The following MEMO1 variants were observed in gnomAD, a reference collection of about 807,000 sequenced individuals.
MEMO1 encodes the protein mediator of cell motility 1.
A neutral mutation model predicts 45.2 loss-of-function variants in MEMO1; 6 were observed. The ratio of observed to expected loss-of-function variants is 0.13; its 90% CI spans 0.07 to 0.26. The LOEUF (loss-of-function observed/expected upper bound fraction) is 0.26, where lower values mean the gene tolerates loss of function less well. MEMO1 is among the 10% of genes least tolerant of loss of function. MEMO1 has a pLI of 1.00. For missense variants in MEMO1, 184 were observed against 370.5 expected (o/e 0.50, Z 4.13); for synonymous variants, 78 against 124.3 (o/e 0.63, Z 2.48).
chr2:31,943,523 G>A, intron 2 of MEMO1, 140 bp from the exon 3 acceptor site: 1 of 678,406 alleles, frequency 1.5e-6, no homozygotes, highest in Non-Finnish European at 2.6e-6. Flanking sequence ...GGATGTTAAT[G>A]TTTGAATTTA....
chr2:31,986,133 G>A (rs552218295), intron 2 of MEMO1, among the ~76,000 whole-genome samples: 35 of 152,092 alleles, frequency 2.3e-4, no homozygotes, highest in Middle Eastern at 3.4e-3. Context: ...GGTGGCTCAC[G>A]TCTGTAATCC....
chr2:31,985,543 C>T (rs1234842114), intron 2 of MEMO1, among the ~76,000 whole-genome samples: 3 of 152,130 alleles, frequency 2.0e-5, no homozygotes, highest in East Asian at 1.9e-4. Context: ...CCAAGTTGGT[C>T]GTGAACTCCT....
chr2:31,935,494 G>C (rs1417331087), intron 3 of MEMO1, among the ~76,000 whole-genome samples: 1 of 152,036 alleles, frequency 6.6e-6, no homozygotes, highest in Non-Finnish European at 1.5e-5. Context: ...GTTACAGGGA[G>C]AGAAGGAGAG....
In MEMO1 at chr2:31,987,821, T is replaced by TA. The variant is rs560108022; in HGVS notation, c.61+22365dup. ...ATATTAAAACCACCTTAGTGTATGG[T>TA]AAAAAAAGCAGATAGGGTCCCAGCT... On this transcript the variant is annotated intron_variant, in intron 2 of 9. Coordinates refer to ENST00000404530, the MANE Select transcript of MEMO1 (RefSeq NM_001301833.4). Among the ~76,000 whole-genome samples the TA allele has an allele frequency of 6.2e-4, 94 of 152,214 alleles. 1 individual carries two copies. The highest frequency in any genetic ancestry group is 1.7e-3 in the East Asian group (9 of 5,170).
intron 7 of MEMO1, among the ~76,000 whole-genome samples, chr2:31,890,437 T>C (rs1239330409): frequency 6.6e-6 from 1 of 152,080 alleles, no homozygotes. Context: ...GTTTTCAAGG[T>C]CACTTATTAC....
chr2:31,868,847 T>TAGGG (rs1673248646), intron 9 of MEMO1, among the ~76,000 whole-genome samples: 1 of 152,198 alleles, frequency 6.6e-6, no homozygotes, highest in African/African-American at 2.4e-5. Context: ...GTCGGAGTCT[T>TAGGG]TATCTGACTT....
chr2:31,872,337 T>C (rs901603961), intron 8 of MEMO1, among the ~76,000 whole-genome samples: 18 of 152,170 alleles, frequency 1.2e-4, no homozygotes, highest in African/African-American at 4.1e-4. Context: ...TAGCTACAAC[T>C]TGCATACATG....
chr2:31,892,233 G>T, intron 6 of MEMO1, 99 bp from the exon 7 acceptor site: 1 of 1,013,078 alleles, frequency 9.9e-7, no homozygotes, highest in Non-Finnish European at 1.5e-6. Context: ...TATTAATAGT[G>T]GTAAGGATAA....
chr2:31,903,706 C>T lies in MEMO1; in HGVS notation c.438-11572G>A, dbSNP rs571439542. ...GAGGAAACTGAGAAACATAAAGTTA[C>T]ATTTGCTCTAAAAACCTCAGTAAAT... is the stretch of plus-strand genomic sequence containing the variant. On this transcript the variant is annotated intron_variant, in intron 6 of 9. Coordinates refer to ENST00000404530, the MANE Select transcript of MEMO1 (RefSeq NM_001301833.4). Among the ~76,000 whole-genome samples, 6 of 152,248 alleles carry T rather than the reference C, an allele frequency of 3.9e-5. No homozygotes were observed. In the East Asian group the frequency reaches 1.2e-3, roughly 29 times the overall value.
chr2:31,914,100 T>C (rs939902405), intron 6 of MEMO1, among the ~76,000 whole-genome samples: 3 of 152,118 alleles, frequency 2.0e-5, no homozygotes, highest in Admixed American at 6.5e-5. Flanking sequence ...AGATGAAAAC[T>C]GATGTGCCTC....
rs1433082657 is a variant in MEMO1, at chr2:31,891,878, T to C, written c.580+114A>G. The stretch of plus-strand genomic sequence containing the variant: ...CACTTTTAAACACTGCTGCCAGAAG[T>C]AAAACTTTCCAAGGAAAGTGATAAA... On this transcript the variant is annotated intron_variant, in intron 7 of 9. Transcript: ENST00000404530. The C allele has an allele frequency of 2.3e-5, 26 of 1,132,712 alleles. 1 individual carries two copies. In the South Asian group the frequency reaches 3.9e-4, roughly 17 times the overall value. The allele number at this position is 1,132,712 out of a possible 1,614,324, so 70.2% of individuals were successfully genotyped here. A position where few individuals can be genotyped will look rare whatever the true frequency, so the allele number is the denominator to read the frequency against.
chr2:31,914,455 A>G (rs1324471128), intron 6 of MEMO1, among the ~76,000 whole-genome samples: 1 of 152,174 alleles, frequency 6.6e-6, no homozygotes, highest in East Asian at 1.9e-4. Flanking sequence ...TATAGTCAAT[A>G]ACTCAATTGT....
chr2:31,929,125 T>C (rs1242009890), intron 4 of MEMO1, among the ~76,000 whole-genome samples: 1 of 152,200 alleles, frequency 6.6e-6, no homozygotes, highest in Non-Finnish European at 1.5e-5. Context: ...CATAGCTGTA[T>C]TGTTCTTCAA....
At chr2:31,911,367 G>A (rs940882183) in intron 6 of MEMO1, among the ~76,000 whole-genome samples, 1 of 152,146 alleles carries the variant, frequency 6.6e-6, no homozygotes, top group Non-Finnish European at 1.5e-5. Flanking sequence ...AGGCACTCAG[G>A]GAGAGGGGAG....
chr2:31,879,061 GT>G (rs1365485049), intron 8 of MEMO1, among the ~76,000 whole-genome samples: 1 of 152,120 alleles, frequency 6.6e-6, no homozygotes. Flanking sequence ...CTGTGACTGT[GT>G]TTCCCTGGAT....
At chr2:31,883,737 T>C (rs1375110754) in intron 7 of MEMO1, among the ~76,000 whole-genome samples, 1 of 152,064 alleles carries the variant, frequency 6.6e-6, no homozygotes, top group Non-Finnish European at 1.5e-5. Context: ...GGAAACAAAA[T>C]AGCTTAAAAG....
At chr2:31,976,991 T>A (rs1378506059) in intron 2 of MEMO1, among the ~76,000 whole-genome samples, 1 of 152,082 alleles carries the variant, frequency 6.6e-6, no homozygotes, top group Non-Finnish European at 1.5e-5. Flanking sequence ...CCTATCTAGT[T>A]GGGTAAACAA....
At chr2:31,938,877 C>G (rs950750221) in intron 3 of MEMO1, among the ~76,000 whole-genome samples, 2 of 150,574 alleles carry the variant, frequency 1.3e-5, no homozygotes, top group East Asian at 4.0e-4. Context: ...GCCCCAACCT[C>G]CCGGGCTCAA....
At chr2:31,927,513 C>T (rs1683283055) in intron 4 of MEMO1, among the ~76,000 whole-genome samples, 1 of 151,520 alleles carries the variant, frequency 6.6e-6, no homozygotes, top group African/African-American at 2.4e-5. Context: ...TATACGTCAA[C>T]TAAAACAAAT....
Sources: allele counts gnomAD v4.1 joint callset (sites outside exome capture counted in the v4.1 genomes callset), GRCh38; gene constraint gnomAD v4.1.1; transcripts MANE v1.5; gene names NCBI Gene and HGNC (gene_info 2026-07-23, HGNC 2026-07-21).